CRPPA: variants seen among roughly 807,000 people sequenced by gnomAD.
The protein encoded by CRPPA is CDP-L-ribitol pyrophosphorylase A.
CRPPA carries 43 observed loss-of-function variants against 52.0 expected under a neutral mutation model. The ratio of observed to expected loss-of-function variants is 0.83; its 90% CI spans 0.65 to 1.07. The LOEUF is 1.07. Among genes scored for constraint, CRPPA ranks in the 50% least tolerant of loss-of-function variants. The pLI is 0.00. For synonymous variants in CRPPA, 250 were observed against 203.5 expected (o/e 1.23, Z -1.94); for missense variants, 629 against 551.7 (o/e 1.14, Z -1.40).
At chr7:16,273,864 G>T (rs1042262118) in intron 6 of CRPPA, among the ~76,000 whole-genome samples, 7 of 152,118 alleles carry the variant, frequency 4.6e-5, no homozygotes, top group African/African-American at 1.7e-4. Flanking sequence ...GCGCCCAGAA[G>T]GACTTGTCCT....
At chr7:16,113,197 A>G (rs1282848170) in intron 9 of CRPPA, among the ~76,000 whole-genome samples, 1 of 152,054 alleles carries the variant, frequency 6.6e-6, no homozygotes, top group Non-Finnish European at 1.5e-5. Flanking sequence ...TAAAGAAAAA[A>G]GAATCTCAAA....
At chr7:16,309,034 C>T (rs1784978473) in intron 3 of CRPPA, among the ~76,000 whole-genome samples, 1 of 152,022 alleles carries the variant, frequency 6.6e-6, no homozygotes, top group Admixed American at 6.6e-5. Context: ...AATCTCATAT[C>T]TTGTATTTAT....
At chr7:16,291,439 T>C (rs894652850) in intron 5 of CRPPA, among the ~76,000 whole-genome samples, 2 of 151,870 alleles carry the variant, frequency 1.3e-5, no homozygotes, top group African/African-American at 4.8e-5. Flanking sequence ...TGCAGTAACA[T>C]GGATAGAACT....
intron 1 of CRPPA, among the ~76,000 whole-genome samples, 192 bp downstream of exon 1, chr7:16,420,874 C>A (rs1183543963): frequency 6.6e-6 from 1 of 152,136 alleles, no homozygotes; most frequent in African/African-American, 2.4e-5. Flanking sequence ...GGAGCTGCAG[C>A]TTTCGTGCCC....
At chr7:16,107,043 T>G (rs1410447887) in intron 9 of CRPPA, among the ~76,000 whole-genome samples, 1 of 152,016 alleles carries the variant, frequency 6.6e-6, no homozygotes, top group Non-Finnish European at 1.5e-5. Flanking sequence ...ATCAATTAGC[T>G]GGAAGACAGA....
chr7:16,171,297 TA>T (rs1781180842), intron 9 of CRPPA, among the ~76,000 whole-genome samples: 1 of 152,214 alleles, frequency 6.6e-6, no homozygotes, highest in Non-Finnish European at 1.5e-5. Context: ...TAATTCGTAT[TA>T]AAATTTACAC....
At chr7:16,129,462 T>G (rs1782642181) in intron 9 of CRPPA, among the ~76,000 whole-genome samples, 1 of 152,094 alleles carries the variant, frequency 6.6e-6, no homozygotes, top group Admixed American at 6.6e-5. Context: ...GTCAAATCCA[T>G]CCATCTTAGG....
At chr7:16,349,054 T>A (rs898831955) in intron 3 of CRPPA, among the ~76,000 whole-genome samples, 2 of 152,212 alleles carry the variant, frequency 1.3e-5, no homozygotes, top group East Asian at 3.9e-4. Flanking sequence ...TTGTAACATA[T>A]CCTCTCCCTA....
chr7:16,298,991 A>C (rs1784731311), intron 5 of CRPPA, among the ~76,000 whole-genome samples: 1 of 152,202 alleles, frequency 6.6e-6, no homozygotes, highest in African/African-American at 2.4e-5. Flanking sequence ...TCCAGCTTAC[A>C]GCTGGCAGAT....
intron 9 of CRPPA, among the ~76,000 whole-genome samples, chr7:16,129,128 C>T (rs992105344): frequency 2.6e-5 from 4 of 152,054 alleles, no homozygotes; most frequent in Non-Finnish European, 4.4e-5. Flanking sequence ...TTTCTCTTGC[C>T]ACATCACACA....
rs144982982 is a variant in CRPPA, at chr7:16,259,191, TATG to T, written c.934-182_934-180del. On this transcript the variant is annotated intron_variant, in intron 6 of 9. Transcript: ENST00000407010. ...CAAGAAATAGTCATTTGAACTAGGC[TATG>T]AATAATGCATATTTTAGCAAACAAG... Among the ~76,000 whole-genome samples, 2,004 of 152,116 alleles carry T rather than the reference TATG, an allele frequency of 0.013. 44 individuals carry two copies. The highest frequency in any genetic ancestry group is 0.045 in the African/African-American group (1,888 of 41,546).
At chr7:16,125,652 T>G (rs1782564307) in intron 9 of CRPPA, among the ~76,000 whole-genome samples, 1 of 152,170 alleles carries the variant, frequency 6.6e-6, no homozygotes, top group South Asian at 2.1e-4. Context: ...AAATCCTAAG[T>G]ATATCTTTGA....
chr7:16,145,435 A>C (rs1782956188), intron 9 of CRPPA, among the ~76,000 whole-genome samples: 1 of 152,234 alleles, frequency 6.6e-6, no homozygotes, highest in Non-Finnish European at 1.5e-5. Context: ...ATGAAGAATG[A>C]GGCAAATATG....
In CRPPA at chr7:16,308,514, C is replaced by T. The variant is rs375132134; in HGVS notation, c.789+9G>A. ...GAAAAGAACCCAAGCAAGGTATCAT[C>T]CCTCTTACCTTCCAGAGGTCAGGTG... is the stretch of plus-strand genomic sequence containing the variant. On this transcript the variant is annotated intron_variant, in intron 4 of 9. Transcript: ENST00000407010. The T allele has an allele frequency of 3.0e-5, 44 of 1,481,970 alleles. No individual in the cohort carries two copies. Among genetic ancestry groups the T allele is most frequent in the Non-Finnish European group, 3.9e-5 (41 of 1,064,542 alleles). The allele number at this position is 1,481,970 out of a possible 1,614,324, so 91.8% of individuals were successfully genotyped here.
chr7:16,272,203 A>T (rs1428379760), intron 6 of CRPPA, among the ~76,000 whole-genome samples: 1 of 152,190 alleles, frequency 6.6e-6, no homozygotes, highest in Non-Finnish European at 1.5e-5. Flanking sequence ...TTTAAGAATC[A>T]GTAAAAAGTG....
rs1782669175 is a variant in CRPPA, at chr7:16,130,888, C to G, written c.1252-39089G>C. Among the ~76,000 whole-genome samples, 3 of 152,136 alleles carry G rather than the reference C, an allele frequency of 2.0e-5. No homozygotes were observed. The South Asian group carries it at 6.2e-4, about 32-fold the overall frequency. On this transcript the variant is annotated intron_variant, in intron 9 of 9. Transcript: ENST00000407010. ...GATTAGGTCATAAGGACAGAGCCAT[C>G]ATTACTGGGATTAGTGCCCTTATAC...
chr7:16,227,086 T>C (rs1589988), intron 8 of CRPPA, among the ~76,000 whole-genome samples: 108,624 of 151,680 alleles, frequency 0.72, 39,092 homozygotes, highest in Admixed American at 0.81. Context: ...TTCTTTTTCA[T>C]GGCCAAAGAG....
intron 2 of CRPPA, among the ~76,000 whole-genome samples, chr7:16,390,156 A>G (rs1188789437): frequency 6.6e-6 from 1 of 151,632 alleles, no homozygotes; most frequent in Non-Finnish European, 1.5e-5. Flanking sequence ...TCCCTCTCAA[A>G]TACGTCTCTA....
intron 2 of CRPPA, among the ~76,000 whole-genome samples, chr7:16,397,210 C>A (rs1052619813): frequency 2.6e-5 from 4 of 152,196 alleles, no homozygotes; most frequent in Non-Finnish European, 5.9e-5. Context: ...TGTGACACGA[C>A]TGACACGTAT....
Sources: allele counts gnomAD v4.1 joint callset (sites outside exome capture counted in the v4.1 genomes callset), GRCh38; gene constraint gnomAD v4.1.1; transcripts MANE v1.5; gene names NCBI Gene and HGNC (gene_info 2026-07-23, HGNC 2026-07-21).